Variants in PRDM4 observed in about 807,000 individuals in gnomAD.
PRDM4 encodes PR domain zinc finger protein 4.
Under a neutral mutation model 62.3 loss-of-function variants are expected in PRDM4, and 38 were observed. The ratio of observed to expected loss-of-function variants is 0.61; its 90% CI spans 0.47 to 0.80. The LOEUF is 0.80. PRDM4 is among the 30% of genes least tolerant of loss of function. The pLI, the probability that PRDM4 is intolerant of heterozygous loss-of-function variation, is 0.00. For missense variants in PRDM4, 858 were observed against 997.1 expected, an observed-to-expected ratio of 0.86 and a Z score of 1.88; for synonymous variants, 339 against 348.2, an observed-to-expected ratio of 0.97 and a Z score of 0.30.
chr12:107,756,259 CAA>C (rs945914806), intron 3 of PRDM4, among the ~76,000 whole-genome samples: 1 of 145,682 alleles, frequency 6.9e-6, no homozygotes, highest in Non-Finnish European at 1.5e-5. Context: ...GACTCCATTT[CAA>C]AAAAAAAAGG....
chr12:107,742,081 A>G, intron 9 of PRDM4, 140 bp downstream of exon 9: 1 of 942,750 alleles, frequency 1.1e-6, no homozygotes, highest in Non-Finnish European at 1.5e-6. Context: ...TAACACCTCA[A>G]ATACAAGTAA....
chr12:107,750,754 T>C (rs1890863165), intron 5 of PRDM4, among the ~76,000 whole-genome samples: 1 of 152,208 alleles, frequency 6.6e-6, no homozygotes, highest in Admixed American at 6.5e-5. Flanking sequence ...AGTGACTGAA[T>C]AATTTTCACA....
At chr12:107,736,187 A>G (rs11113456) in intron 11 of PRDM4, among the ~76,000 whole-genome samples, 44,601 of 152,196 alleles carry the variant, frequency 0.29, 8,230 homozygotes, top group Middle Eastern at 0.43. Flanking sequence ...ATGTGGGTAA[A>G]CTAAGTCCCT....
intron 4 of PRDM4, among the ~76,000 whole-genome samples, chr12:107,753,225 T>C (rs979138132): frequency 1.3e-5 from 2 of 151,884 alleles, no homozygotes; most frequent in Non-Finnish European, 2.9e-5. Flanking sequence ...AAAAGTTATT[T>C]ATAAAAAAGA....
In PRDM4 at chr12:107,760,663, C is replaced by G. The variant is rs1891216464; in HGVS notation, c.-148G>C. On this transcript the variant is annotated 5_prime_UTR_variant, in exon 2 of 12. Coordinates refer to ENST00000228437, the MANE Select transcript of PRDM4 (RefSeq NM_012406.4). ...TCGTCCCCGGGGTCGCCCGGGGCCG[C>G]CCAACTTCTCCCGAGGGCCGGTGGC... 5 of 932,294 alleles carry G rather than the reference C, an allele frequency of 5.4e-6. No homozygotes were observed. The highest frequency in any genetic ancestry group is 6.3e-6 in the Non-Finnish European group (4 of 630,536). 57.8% of individuals were successfully genotyped at this position (932,294 alleles called of 1,614,324 possible).
At chr12:107,735,686 T>C (rs563400498) in intron 11 of PRDM4, among the ~76,000 whole-genome samples, 95 of 151,748 alleles carry the variant, frequency 6.3e-4, no homozygotes, top group Non-Finnish European at 1.1e-3. Context: ...AATGTCAAGG[T>C]TTGAGTAACC....
At chr12:107,741,310 T>C (rs760892354) in intron 9 of PRDM4, 50 bp from the exon 10 acceptor site, 56 of 1,486,362 alleles carry the variant, frequency 3.8e-5, no homozygotes, top group Non-Finnish European at 4.9e-5. Context: ...ATCTTAAAAC[T>C]TGTTCTTGAT....
intron 5 of PRDM4, among the ~76,000 whole-genome samples, chr12:107,747,802 CT>C (rs953599826): frequency 2.0e-4 from 30 of 146,848 alleles, no homozygotes; most frequent in South Asian, 2.2e-4. Context: ...TCTGTCTTTT[CT>C]TTTTTTTTTT....
intron 11 of PRDM4, among the ~76,000 whole-genome samples, chr12:107,737,146 C>T (rs1443158988): frequency 1.3e-5 from 2 of 150,900 alleles, no homozygotes; most frequent in Admixed American, 1.3e-4. Flanking sequence ...ACAGGAAGGG[C>T]AAAGCCAGGT....
Position 107,744,738 on chromosome 12 carries a change from T to G in PRDM4, c.1277-77A>C, listed in dbSNP as rs185851951. The G allele has an allele frequency of 6.9e-4, 1,074 of 1,558,688 alleles. 11 individuals carry two copies. The African/African-American group carries it at 0.011, about 16-fold the overall frequency. Reference sequence around the variant, plus strand: ...ACAGAAGAAAGAGGTGCTTCACCCATGCAAAGAATCTTATTTTCAATGAAT... The same window carrying G: ...ACAGAAGAAAGAGGTGCTTCACCCAGGCAAAGAATCTTATTTTCAATGAAT... On this transcript the variant is annotated intron_variant, in intron 6 of 11. Coordinates refer to ENST00000228437, the MANE Select transcript of PRDM4 (RefSeq NM_012406.4).
chr12:107,757,055 G>C, intron 2 of PRDM4, 90 bp from the exon 3 acceptor site: 2 of 1,362,804 alleles, frequency 1.5e-6, no homozygotes, highest in Admixed American at 1.9e-5. Context: ...AGTGGGGATG[G>C]GGAAATGGGA....
chr12:107,734,648 A>G, intron 11 of PRDM4, 126 bp from the exon 12 acceptor site: 1 of 857,304 alleles, frequency 1.2e-6, no homozygotes, highest in Admixed American at 2.5e-5. Flanking sequence ...GCTTTTGCAT[A>G]GGTGATATAC....
In PRDM4 at chr12:107,739,552, C is replaced by T; in HGVS notation, c.1925-1G>A. 1 of 1,612,552 alleles carries T rather than the reference C, an allele frequency of 6.2e-7. No homozygotes were observed. Among genetic ancestry groups the T allele is most frequent in the Non-Finnish European group, 8.5e-7 (1 of 1,179,114 alleles). ...AAGGTACACCTGTAGTTCTTCTGAC[C>T]TGCAATCAGCCCAAAGTATTACACC... On this transcript the variant is annotated splice_acceptor_variant, in intron 10 of 11. Coordinates refer to ENST00000228437, the MANE Select transcript of PRDM4 (RefSeq NM_012406.4). LOFTEE classifies it high-confidence loss of function.
rs547572529 is a variant in PRDM4 at position 107,745,527 on chromosome 12, C to T, written c.1276+748G>A. Among the ~76,000 whole-genome samples the T allele has an allele frequency of 4.7e-3, 708 of 152,112 alleles. 4 individuals carry two copies. The highest frequency in any genetic ancestry group is 7.2e-3 in the Non-Finnish European group (487 of 67,990). ...AGGCTGCACTCGAGTTACTGTACTC[C>T]GTATGTTAGGCCAGTGCACTCCAGC... On this transcript the variant is annotated intron_variant, in intron 6 of 11. Coordinates refer to ENST00000228437, the MANE Select transcript of PRDM4 (RefSeq NM_012406.4).
In PRDM4 at chr12:107,760,713, C is replaced by T; in HGVS notation, c.-198G>A. The T allele has an allele frequency of 1.6e-6, 1 of 609,200 alleles. No homozygotes were observed. The allele number at this position is 609,200 out of a possible 1,614,324, so 37.7% of individuals were successfully genotyped here. ...CCGTGCACCCCGCCACGGGTTGGGG[C>T]ATCTCGGGGAACACCTGGGGCCTTC... On this transcript the variant is annotated 5_prime_UTR_variant, in exon 2 of 12. The change abolishes an upstream ATG in the 5' untranslated region. Transcript: ENST00000228437.
intron 2 of PRDM4, among the ~76,000 whole-genome samples, 186 bp downstream of exon 2, chr12:107,760,319 C>G (rs548871975): frequency 1.3e-5 from 2 of 152,364 alleles, no homozygotes; most frequent in South Asian, 4.1e-4. Context: ...CAACTTTCCA[C>G]ATGTGGAGTA....
rs1593178005 is a variant in PRDM4, at chr12:107,757,295, A to C, written c.12-330T>G. On this transcript the variant is annotated intron_variant, in intron 2 of 11. Coordinates refer to ENST00000228437, the MANE Select transcript of PRDM4 (RefSeq NM_012406.4). ...GGCAATGACAGTTTTTTTTTAAATC[A>C]CTCAAGCTTCATCTTTTATAATATT... Among the ~76,000 whole-genome samples the C allele has an allele frequency of 2.6e-5, 4 of 152,196 alleles. No individual in the cohort carries two copies. The South Asian group carries it at 8.3e-4, about 32-fold the overall frequency.
At chr12:107,738,965 G>A (rs1428072228) in intron 11 of PRDM4, among the ~76,000 whole-genome samples, 1 of 151,034 alleles carries the variant, frequency 6.6e-6, no homozygotes, top group Non-Finnish European at 1.5e-5. Context: ...TCAGTGTCTC[G>A]CCATTATTTC....
intron 8 of PRDM4, 93 bp downstream of exon 8, chr12:107,743,104 T>C: frequency 2.8e-6 from 3 of 1,065,030 alleles, no homozygotes; most frequent in Non-Finnish European, 4.2e-6. Flanking sequence ...TTGGTGTAAT[T>C]TGGATTCTTA....
Sources: allele counts gnomAD v4.1 joint callset (sites outside exome capture counted in the v4.1 genomes callset), GRCh38; gene constraint gnomAD v4.1.1; transcripts MANE v1.5; gene names NCBI Gene and HGNC (gene_info 2026-07-23, HGNC 2026-07-21).